DPP10: variants seen among roughly 807,000 people sequenced by gnomAD.
DPP10 encodes the protein dipeptidyl peptidase like 10.
Under a neutral mutation model 120.9 loss-of-function variants are expected in DPP10, and 33 were observed. The observed-to-expected ratio is 0.27, with a 90% confidence interval of 0.21 to 0.37. DPP10 has a LOEUF of 0.37. Among genes scored for constraint, DPP10 ranks in the 10% least tolerant of loss-of-function variants. DPP10 has a pLI of 1.00. For missense variants in DPP10, 816 were observed against 942.8 expected (o/e 0.87, Z 1.76); for synonymous variants, 337 against 326.1 (o/e 1.03, Z -0.36).
At chr2:114,987,804 C>CTTTTTTTTTTTTAT (rs1700500257) in intron 1 of DPP10, among the ~76,000 whole-genome samples, 1 of 101,034 alleles carries the variant, frequency 9.9e-6, no homozygotes, top group Non-Finnish European at 1.8e-5. Context: ...TGGAGACTGT[C>CTTTTTTTTTTTTAT]TTTTTTTTTT....
chr2:114,795,406 G>T (rs536670971), intron 1 of DPP10, among the ~76,000 whole-genome samples: 1 of 151,906 alleles, frequency 6.6e-6, no homozygotes, highest in Admixed American at 6.6e-5. Context: ...CAGGAGAATC[G>T]CTTGAACCTG....
chr2:115,245,267 G>C (rs1318463335), intron 1 of DPP10, among the ~76,000 whole-genome samples: 1 of 151,644 alleles, frequency 6.6e-6, no homozygotes, highest in South Asian at 2.1e-4. Flanking sequence ...AGGCTGGTTC[G>C]TATTTCTGCA....
At chr2:114,490,224 G>A (rs750925226) in intron 1 of DPP10, among the ~76,000 whole-genome samples, 3 of 144,002 alleles carry the variant, frequency 2.1e-5, no homozygotes, top group Non-Finnish European at 4.7e-5. Flanking sequence ...TCTGCATCTG[G>A]TAAGCTCCCC....
At chr2:115,475,141 G>T (rs2074992258) in intron 3 of DPP10, among the ~76,000 whole-genome samples, 1 of 152,112 alleles carries the variant, frequency 6.6e-6, no homozygotes, top group Non-Finnish European at 1.5e-5. Flanking sequence ...GCATTTCAGA[G>T]ACCTCCATGG....
At chr2:115,046,621 G>A (rs757963219) in intron 1 of DPP10, among the ~76,000 whole-genome samples, 61 of 152,228 alleles carry the variant, frequency 4.0e-4, no homozygotes, top group African/African-American at 8.4e-4. Flanking sequence ...ATGCTTGGCA[G>A]TAGCAGCTTA....
intron 1 of DPP10, among the ~76,000 whole-genome samples, chr2:115,176,036 G>C (rs1327300797): frequency 6.6e-6 from 1 of 151,998 alleles, no homozygotes; most frequent in Non-Finnish European, 1.5e-5. Flanking sequence ...GAGAAGTAAG[G>C]CTTTATTTCT....
intron 1 of DPP10, among the ~76,000 whole-genome samples, chr2:115,184,157 C>T (rs10221894): frequency 0.44 from 66,546 of 151,998 alleles, 16,509 homozygotes; most frequent in Non-Finnish European, 0.56. Flanking sequence ...ATAATGACCC[C>T]ACAAGGTAGG....
At chr2:115,477,951 G>A (rs1292565045) in intron 3 of DPP10, among the ~76,000 whole-genome samples, 1 of 152,152 alleles carries the variant, frequency 6.6e-6, no homozygotes, top group Non-Finnish European at 1.5e-5. Context: ...AGGAAAAAGG[G>A]TAGCTGGCAT....
At chr2:115,563,441 C>A (rs2080812714) in intron 5 of DPP10, among the ~76,000 whole-genome samples, 1 of 152,070 alleles carries the variant, frequency 6.6e-6, no homozygotes, top group South Asian at 2.1e-4. Flanking sequence ...CTCGAGAGAG[C>A]TGTTACAATC....
chr2:114,606,127 ATGT>A (rs1352907061), intron 1 of DPP10, among the ~76,000 whole-genome samples: 3 of 152,110 alleles, frequency 2.0e-5, no homozygotes, highest in Non-Finnish European at 4.4e-5. Flanking sequence ...CTTTACCTTA[ATGT>A]TGTGTCTTAA....
intron 2 of DPP10, among the ~76,000 whole-genome samples, chr2:115,331,263 C>A (rs578051642): frequency 2.0e-5 from 3 of 152,130 alleles, no homozygotes; most frequent in Non-Finnish European, 1.5e-5. Context: ...GATTTTTGCA[C>A]ACTGATTTTA....
chr2:114,570,321 A>G (rs1184478929), intron 1 of DPP10, among the ~76,000 whole-genome samples: 1 of 152,106 alleles, frequency 6.6e-6, no homozygotes, highest in African/African-American at 2.4e-5. Context: ...TGGGTACTAT[A>G]TCTCACTCAA....
Position 115,309,234 on chromosome 2 carries a change from G to C in DPP10, c.61-5G>C. On this transcript the variant is annotated splice_polypyrimidine_tract_variant and splice_region_variant and intron_variant, in intron 1 of 25. Transcript: ENST00000410059. ...ATTACAAAACTTTTTTTTCTATCTCGGTAGGAACTGGGAAGTAACAGCCCT... is the reference window on the plus strand; with the variant it reads ...ATTACAAAACTTTTTTTTCTATCTCCGTAGGAACTGGGAAGTAACAGCCCT... The C allele has an allele frequency of 1.9e-6, 3 of 1,608,434 alleles. No individual in the cohort carries two copies. Among genetic ancestry groups the C allele is most frequent in the Non-Finnish European group, 2.5e-6 (3 of 1,177,660 alleles).
At chr2:115,506,550 T>C (rs2076951057) in intron 4 of DPP10, among the ~76,000 whole-genome samples, 1 of 152,104 alleles carries the variant, frequency 6.6e-6, no homozygotes, top group Admixed American at 6.6e-5. Flanking sequence ...TAAAGAAATG[T>C]GAAAATAAAT....
chr2:114,665,200 G>T (rs1249360363), intron 1 of DPP10, among the ~76,000 whole-genome samples: 1 of 152,132 alleles, frequency 6.6e-6, no homozygotes, highest in Non-Finnish European at 1.5e-5. Context: ...CCTGGACCTA[G>T]CCCTGTGACT....
At chr2:115,776,362 T>A (rs71418574) in intron 13 of DPP10, among the ~76,000 whole-genome samples, 13,348 of 152,008 alleles carry the variant, frequency 0.088, 634 homozygotes, top group South Asian at 0.13. Flanking sequence ...GAACATGCAG[T>A]GTTTGGTTTT....
intron 10 of DPP10, among the ~76,000 whole-genome samples, chr2:115,748,494 A>G (rs962468437): frequency 6.6e-5 from 10 of 152,246 alleles, no homozygotes; most frequent in African/African-American, 2.2e-4. Context: ...AAGGAGGAAT[A>G]ATAGTAAGAT....
chr2:114,908,360 G>A lies in DPP10; in HGVS notation c.61-400879G>A, dbSNP rs575549180. ...TGCTAGTTTTCTTTTGGTATTGTAT[G>A]TCTCACGTCTCTTTTTGTTTCTCTG... On this transcript the variant is annotated intron_variant, in intron 1 of 25. Coordinates refer to ENST00000410059, the MANE Select transcript of DPP10 (RefSeq NM_020868.6). 3.1e-3 allele frequency among the ~76,000 whole-genome samples: 464 copies of A among 151,894 alleles called. 3 individuals carry two copies. Among genetic ancestry groups the A allele is most frequent in the Non-Finnish European group, 5.0e-3 (341 of 67,788 alleles).
chr2:115,833,172 T>C (rs898952209), intron 21 of DPP10, among the ~76,000 whole-genome samples: 1 of 152,142 alleles, frequency 6.6e-6, no homozygotes, highest in Non-Finnish European at 1.5e-5. Flanking sequence ...AACAAAAACA[T>C]ATAATGTCAT....
Sources: gnomAD v4.1 joint callset for allele counts (sites outside exome capture counted in the v4.1 genomes callset) on GRCh38, gnomAD v4.1.1 for gene constraint, MANE v1.5 for transcripts, NCBI Gene and HGNC (gene_info 2026-07-23, HGNC 2026-07-21) for gene names.